NUDT3: variants seen among roughly 807,000 people sequenced by gnomAD.
The protein encoded by NUDT3 is nudix hydrolase 3, also known as diphosphoinositol polyphosphate phosphohydrolase 1.
A neutral mutation model predicts 23.6 loss-of-function variants in NUDT3; 9 were observed. The ratio of observed to expected loss-of-function variants is 0.38; its 90% CI spans 0.23 to 0.66. The LOEUF is 0.66. Ranked by LOEUF, NUDT3 falls within the 30% of genes least tolerant of loss-of-function variation. The pLI is 0.52. For synonymous variants in NUDT3, 86 were observed against 82.6 expected, an observed-to-expected ratio of 1.04 and a Z score of -0.22; for missense variants, 172 against 218.5, an observed-to-expected ratio of 0.79 and a Z score of 1.34.
At chr6:34,307,284 T>A (rs1763696754) in intron 2 of NUDT3, among the ~76,000 whole-genome samples, 1 of 151,978 alleles carries the variant, frequency 6.6e-6, no homozygotes, top group Non-Finnish European at 1.5e-5. Context: ...TCTAAAACTT[T>A]AAAAAAAGTT....
At chr6:34,383,126 C>CAAAAAAAA (rs557348971) in intron 1 of NUDT3, among the ~76,000 whole-genome samples, 1 of 65,034 alleles carries the variant, frequency 1.5e-5, no homozygotes. Context: ...GACTCCATCT[C>CAAAAAAAA]AAAAAAAAAA....
At chr6:34,311,638 CAA>C (rs144015860) in intron 2 of NUDT3, among the ~76,000 whole-genome samples, 237 of 152,222 alleles carry the variant, frequency 1.6e-3, no homozygotes, top group African/African-American at 5.1e-3. Flanking sequence ...GAAAGGAGAA[CAA>C]AGTTGGAGAA....
chr6:34,390,719 A>G (rs1162660771), intron 1 of NUDT3, among the ~76,000 whole-genome samples: 1 of 152,124 alleles, frequency 6.6e-6, no homozygotes, highest in Non-Finnish European at 1.5e-5. Context: ...TATACTTATA[A>G]TTGGGGTGCT....
intron 3 of NUDT3, among the ~76,000 whole-genome samples, chr6:34,294,549 AAACCTGTC>A (rs1763470735): frequency 6.6e-6 from 1 of 151,928 alleles, no homozygotes; most frequent in African/African-American, 2.4e-5. Flanking sequence ...CAACATGGTG[AAACCTGTC>A]TCTACTAAAA....
chr6:34,369,036 T>C (rs1484453998), intron 1 of NUDT3, among the ~76,000 whole-genome samples: 1 of 152,246 alleles, frequency 6.6e-6, no homozygotes, highest in Non-Finnish European at 1.5e-5. Flanking sequence ...GCCTAGCTGA[T>C]TTTGAATTAG....
intron 2 of NUDT3, among the ~76,000 whole-genome samples, chr6:34,340,421 T>C (rs1435115166): frequency 1.3e-5 from 2 of 152,226 alleles, no homozygotes; most frequent in Non-Finnish European, 2.9e-5. Context: ...CCCTCCATGA[T>C]GGAGTAAAAA....
intron 1 of NUDT3, among the ~76,000 whole-genome samples, chr6:34,366,376 AAAAAG>A (rs559125949): frequency 1.6e-3 from 238 of 150,694 alleles, no homozygotes; most frequent in African/African-American, 5.3e-3. Flanking sequence ...ACCTTGTCGA[AAAAAG>A]AAAAGAAAAG....
At chr6:34,381,857 G>A (rs1290153784) in intron 1 of NUDT3, among the ~76,000 whole-genome samples, 1 of 151,512 alleles carries the variant, frequency 6.6e-6, no homozygotes, top group Non-Finnish European at 1.5e-5. Flanking sequence ...GGCAGATCAC[G>A]AGGTCAGGAG....
chr6:34,352,100 A>G (rs908134827), intron 1 of NUDT3, among the ~76,000 whole-genome samples: 4 of 152,204 alleles, frequency 2.6e-5, no homozygotes, highest in African/African-American at 7.2e-5. Flanking sequence ...TTTCCTAGGA[A>G]AATTCTGAAA....
intron 2 of NUDT3, among the ~76,000 whole-genome samples, chr6:34,328,723 G>A (rs549342176): frequency 9.2e-5 from 14 of 152,202 alleles, no homozygotes; most frequent in African/African-American, 2.9e-4. Context: ...TTCCTGACAA[G>A]TTTATGAGCC....
intron 2 of NUDT3, among the ~76,000 whole-genome samples, chr6:34,326,279 A>C (rs772524876): frequency 6.6e-6 from 1 of 152,224 alleles, no homozygotes; most frequent in Non-Finnish European, 1.5e-5. Flanking sequence ...ACACTTTCTA[A>C]TTTTAACATT....
intron 2 of NUDT3, among the ~76,000 whole-genome samples, chr6:34,316,946 G>C (rs938669241): frequency 2.6e-5 from 4 of 152,164 alleles, no homozygotes; most frequent in Admixed American, 2.0e-4. Flanking sequence ...AAGGGTGCAG[G>C]GGGTGTAGCT....
intron 1 of NUDT3, among the ~76,000 whole-genome samples, chr6:34,371,106 G>A (rs552745558): frequency 7.3e-5 from 11 of 149,982 alleles, no homozygotes; most frequent in East Asian, 2.0e-4. Context: ...GCAAGACTCC[G>A]TCTCAAAAAA....
intron 1 of NUDT3, among the ~76,000 whole-genome samples, chr6:34,377,522 C>A (rs1467831842): frequency 7.9e-5 from 12 of 152,110 alleles, no homozygotes; most frequent in African/African-American, 2.7e-4. Context: ...TAGGATAATT[C>A]TAAAAAGAGA....
chr6:34,311,946 T>C (rs572275986), intron 2 of NUDT3, among the ~76,000 whole-genome samples: 33 of 152,186 alleles, frequency 2.2e-4, no homozygotes, highest in African/African-American at 7.9e-4. Context: ...CAGACCTAAA[T>C]GTAAAACGCA....
In NUDT3 at chr6:34,392,302, C is replaced by A; in HGVS notation, c.61G>T (p.Ala21Ser). Residue 21 changes from alanine (A) to serine (S), a missense_variant, in exon 1 of 5, where the codon GCC becomes TCC. This residue lies in a region of NUDT3 where 50 missense variants were observed against 46.2 expected (regional missense o/e 1.08). Coordinates refer to ENST00000607016, the MANE Select transcript of NUDT3 (RefSeq NM_006703.4). ...TCGCTGCGGAAACACAGGCATGCGG[C>A]CCGCTTCTTGTAGCCGTCGCCGTCG... is the stretch of plus-strand genomic sequence containing the variant. Reference protein sequence around the residue: ...TYDGDGYKKRAACLCFRSESE... With the variant: ...TYDGDGYKKRSACLCFRSESE... The A allele has an allele frequency of 6.2e-7, 1 of 1,606,140 alleles. No individual in the cohort carries two copies.
chr6:34,302,707 G>A (rs1176726395), intron 2 of NUDT3, among the ~76,000 whole-genome samples: 1 of 152,166 alleles, frequency 6.6e-6, no homozygotes, highest in Non-Finnish European at 1.5e-5. Flanking sequence ...ACTCCAGCCT[G>A]GGTGACAGAG....
Position 34,282,690 on chromosome 6 carries a change from G to A in NUDT3, c.*6063C>T, listed in dbSNP as rs1324997118. On this transcript the variant is annotated 3_prime_UTR_variant, in exon 5 of 5. Coordinates refer to ENST00000607016, the MANE Select transcript of NUDT3 (RefSeq NM_006703.4). ...GAGGCTTGGGGGCAGGAAAGGGAGG[G>A]TGGAAGGATGGGTAGCACATCAAAA... The A allele has an allele frequency of 6.6e-6, 1 of 152,170 alleles. No homozygotes were observed. The highest frequency in any genetic ancestry group is 1.5e-5 in the Non-Finnish European group (1 of 68,022). 9.4% of individuals were successfully genotyped at this position (152,170 alleles called of 1,614,324 possible). A position where few individuals can be genotyped will look rare whatever the true frequency, so the allele number is the denominator to read the frequency against.
At chr6:34,379,818 C>T (rs1030111229) in intron 1 of NUDT3, among the ~76,000 whole-genome samples, 10 of 151,766 alleles carry the variant, frequency 6.6e-5, no homozygotes, top group African/African-American at 2.4e-4. Context: ...AGTTCGAGAT[C>T]AGCCTGGCCA....
Sources: allele counts gnomAD v4.1 joint callset (sites outside exome capture counted in the v4.1 genomes callset), GRCh38; gene constraint gnomAD v4.1.1; regional missense constraint gnomAD v4.1.1; transcripts MANE v1.5; gene names NCBI Gene and HGNC (gene_info 2026-07-23, HGNC 2026-07-21).